The following NEK10 variants were observed in gnomAD, a reference collection of about 807,000 sequenced individuals.
NEK10 encodes serine/threonine-protein kinase Nek10.
In NEK10, 122 loss-of-function variants were observed where a neutral mutation model predicts 159.8. That is an observed-to-expected ratio of 0.76 (90% CI 0.66 to 0.89). NEK10 has a LOEUF of 0.89. NEK10 is among the 40% of genes least tolerant of loss of function. The probability of loss-of-function intolerance (pLI) is 0.00; values close to 1 mark genes in which losing one functional copy is unlikely to be tolerated. For synonymous variants in NEK10, 466 were observed against 457.1 expected (o/e 1.02, Z -0.25); for missense variants, 1,342 against 1,323.1 (o/e 1.01, Z -0.22).
At chr3:27,218,206 TG>T (rs1951722322) in intron 23 of NEK10, among the ~76,000 whole-genome samples, 1 of 152,174 alleles carries the variant, frequency 6.6e-6, no homozygotes, top group African/African-American at 2.4e-5. Flanking sequence ...CTGCGCAGAA[TG>T]GTACGCAATT....
At chr3:27,243,589 G>A (rs1954765997) in intron 23 of NEK10, among the ~76,000 whole-genome samples, 1 of 152,098 alleles carries the variant, frequency 6.6e-6, no homozygotes, top group Non-Finnish European at 1.5e-5. Flanking sequence ...CTGTCATAAT[G>A]TCTGAATTCG....
chr3:27,289,462 A>T (rs564792163), intron 19 of NEK10, among the ~76,000 whole-genome samples: 19 of 152,310 alleles, frequency 1.2e-4, no homozygotes, highest in African/African-American at 4.6e-4. Context: ...GCCCAAGCAT[A>T]TGCTTCCTAT....
chr3:27,128,801 A>C (rs957884730), intron 32 of NEK10, among the ~76,000 whole-genome samples: 43 of 152,116 alleles, frequency 2.8e-4, no homozygotes, highest in African/African-American at 1.0e-3. Context: ...AGTCCTTGAC[A>C]CCATACTTAC....
chr3:27,187,533 T>C (rs933711491), intron 26 of NEK10, among the ~76,000 whole-genome samples: 3 of 152,058 alleles, frequency 2.0e-5, no homozygotes, highest in Non-Finnish European at 4.4e-5. Context: ...AGGCAGAACC[T>C]TTAAAGTTAA....
chr3:27,298,028 A>T (rs1240238616), intron 13 of NEK10, among the ~76,000 whole-genome samples: 1 of 152,226 alleles, frequency 6.6e-6, no homozygotes, highest in African/African-American at 2.4e-5. Flanking sequence ...TGGAGCTTGG[A>T]GAAATTAAGG....
intron 14 of NEK10, 26 bp downstream of exon 14, chr3:27,297,153 C>T (rs1252877160): frequency 6.4e-7 from 1 of 1,552,570 alleles, no homozygotes; most frequent in Non-Finnish European, 8.9e-7. Context: ...TTATGGAGAC[C>T]TGACCTTGAG....
intron 32 of NEK10, among the ~76,000 whole-genome samples, chr3:27,122,568 A>G (rs1038281149): frequency 1.3e-5 from 2 of 152,154 alleles, no homozygotes; most frequent in Admixed American, 6.6e-5. Flanking sequence ...GGTGGCTACA[A>G]ATAAGCTTTT....
intron 25 of NEK10, among the ~76,000 whole-genome samples, chr3:27,192,879 G>C (rs1949237198): frequency 6.6e-6 from 1 of 152,078 alleles, no homozygotes; most frequent in South Asian, 2.1e-4. Flanking sequence ...CACTGGAAAA[G>C]GCACCACAAA....
intron 25 of NEK10, among the ~76,000 whole-genome samples, chr3:27,193,145 T>C (rs1468303150): frequency 1.3e-5 from 2 of 152,226 alleles, no homozygotes; most frequent in Non-Finnish European, 2.9e-5. Context: ...TCCACACTTT[T>C]ATGTATCCTC....
chr3:27,170,383 C>T (rs554820211), intron 29 of NEK10, among the ~76,000 whole-genome samples: 1 of 152,292 alleles, frequency 6.6e-6, no homozygotes, highest in South Asian at 2.1e-4. Flanking sequence ...ATATACTCCA[C>T]AAATCTAGAC....
chr3:27,321,297 TC>T (rs1387753089), intron 6 of NEK10, among the ~76,000 whole-genome samples: 12 of 152,162 alleles, frequency 7.9e-5, no homozygotes, highest in Non-Finnish European at 1.8e-4. Flanking sequence ...AAATGAAGAA[TC>T]TTGTTTATAC....
intron 22 of NEK10, among the ~76,000 whole-genome samples, chr3:27,269,526 C>A (rs567739064): frequency 6.6e-6 from 1 of 152,224 alleles, no homozygotes; most frequent in South Asian, 2.1e-4. Flanking sequence ...TTTTTAGCAA[C>A]GAATTATGTT....
intron 19 of NEK10, among the ~76,000 whole-genome samples, chr3:27,290,207 A>G (rs778825290): frequency 6.6e-6 from 1 of 152,244 alleles, no homozygotes; most frequent in Non-Finnish European, 1.5e-5. Context: ...TTTTAGATCT[A>G]ATAAAGTCAT....
At chr3:27,306,583 A>C (rs939850192) in intron 11 of NEK10, among the ~76,000 whole-genome samples, 13 of 152,198 alleles carry the variant, frequency 8.5e-5, no homozygotes, top group African/African-American at 3.1e-4. Context: ...GATCATGCTT[A>C]AAATGTTCCC....
intron 1 of NEK10, among the ~76,000 whole-genome samples, chr3:27,360,680 T>G (rs562304864): frequency 3.9e-5 from 6 of 152,320 alleles, no homozygotes; most frequent in South Asian, 2.1e-4. Context: ...CTTCACCTCC[T>G]GGACCCTGGG....
At chr3:27,159,132 T>C (rs981242668) in intron 30 of NEK10, among the ~76,000 whole-genome samples, 2 of 152,186 alleles carry the variant, frequency 1.3e-5, no homozygotes, top group Non-Finnish European at 2.9e-5. Context: ...CGTATTCCTT[T>C]TACAGTTTTC....
At chr3:27,215,096 T>A in intron 23 of NEK10, 1 of 482,252 alleles carries the variant, frequency 2.1e-6, no homozygotes, top group East Asian at 3.6e-5. Flanking sequence ...GCGAGCTATT[T>A]TCTTTAAAAG....
chr3:27,334,793 T>C (rs1005303424), intron 5 of NEK10, among the ~76,000 whole-genome samples: 1 of 152,078 alleles, frequency 6.6e-6, no homozygotes, highest in African/African-American at 2.4e-5. Flanking sequence ...TTATACCAGA[T>C]GTGCAGATGT....
At chr3:27,278,720 G>A (rs2041941109) in intron 22 of NEK10, 1 of 984,376 alleles carries the variant, frequency 1.0e-6, no homozygotes, top group African/African-American at 1.7e-5. Context: ...GAGGCAAGCG[G>A]ACATGGAAGG....
Sources: gnomAD v4.1 joint callset for allele counts (sites outside exome capture counted in the v4.1 genomes callset) on GRCh38, gnomAD v4.1.1 for gene constraint, MANE v1.5 for transcripts, NCBI Gene and HGNC (gene_info 2026-07-23, HGNC 2026-07-21) for gene names.